ACAD11: variants seen among roughly 807,000 people sequenced by gnomAD.
ACAD11 encodes the protein acyl-CoA dehydrogenase family member 11.
In ACAD11, 83 loss-of-function variants were observed where a neutral mutation model predicts 102.2. That is an observed-to-expected ratio of 0.81 (90% CI 0.68 to 0.97). ACAD11 has a LOEUF of 0.97. Among genes scored for constraint, ACAD11 ranks in the 50% least tolerant of loss-of-function variants. The pLI is 0.00. For missense variants in ACAD11, 901 were observed against 951.7 expected (o/e 0.95, Z 0.70); for synonymous variants, 324 against 319.8 (o/e 1.01, Z -0.14).
At chr3:132,654,367 G>A (rs1937670010) in intron 1 of ACAD11, 1 of 152,088 alleles carries the variant, frequency 6.6e-6, no homozygotes, top group Non-Finnish European at 1.5e-5. Context: ...GTCTCATAAT[G>A]GAGTCACTTA....
chr3:132,641,546 A>AATG (rs201936885), intron 4 of ACAD11, among the ~76,000 whole-genome samples: 3,232 of 131,398 alleles, frequency 0.025, 85 homozygotes, highest in African/African-American at 0.04. Context: ...TCTGTCTCAA[A>AATG]ATGATGATGA....
intron 5 of ACAD11, among the ~76,000 whole-genome samples, chr3:132,635,203 A>T (rs1940229993): frequency 6.6e-6 from 1 of 152,120 alleles, no homozygotes; most frequent in Admixed American, 6.5e-5. Flanking sequence ...AGGATGGATG[A>T]GGTCCAGAGA....
At chr3:132,607,294 G>A (rs1313672441) in intron 11 of ACAD11, among the ~76,000 whole-genome samples, 1 of 152,198 alleles carries the variant, frequency 6.6e-6, no homozygotes, top group East Asian at 1.9e-4. Flanking sequence ...GACAGAAGTA[G>A]GCTTCAGAAG....
At position 132,575,937 on chromosome 3, in the gene ACAD11, A is replaced by AG. The variant is rs1553757916; in HGVS notation, c.1847-12dup. The AG allele has an allele frequency of 1.9e-6, 3 of 1,613,096 alleles. No homozygotes were observed. The highest frequency in any genetic ancestry group is 2.5e-6 in the Non-Finnish European group (3 of 1,179,248). ...ATCCCCTACCTTCACCTGGGAAGAA[A>AG]GGGGAAAAAAAGGGGGAATGTGAAA... is the stretch of plus-strand genomic sequence containing the variant. On this transcript the variant is annotated splice_polypyrimidine_tract_variant and intron_variant, in intron 16 of 19. Coordinates refer to ENST00000264990, the MANE Select transcript of ACAD11 (RefSeq NM_032169.5).
At chr3:132,632,519 C>T (rs1338729996) in intron 5 of ACAD11, among the ~76,000 whole-genome samples, 1 of 152,148 alleles carries the variant, frequency 6.6e-6, no homozygotes, top group Non-Finnish European at 1.5e-5. Flanking sequence ...CATGATGCCT[C>T]CAGCTTTGTT....
chr3:132,645,884 C>T (rs1476496093), intron 1 of ACAD11: 1 of 152,230 alleles, frequency 6.6e-6, no homozygotes, highest in Non-Finnish European at 1.5e-5. Context: ...TAGAGATAAT[C>T]ACCAGTGGTC....
At chr3:132,600,673 C>T (rs1215573514) in intron 13 of ACAD11, 2 of 1,613,620 alleles carry the variant, frequency 1.2e-6, no homozygotes, top group African/African-American at 1.3e-5. Flanking sequence ...TCCTTCTATT[C>T]ACTCTGCCTT....
At chr3:132,562,429 C>T (rs61023005) in intron 17 of ACAD11, among the ~76,000 whole-genome samples, 2,700 of 152,208 alleles carry the variant, frequency 0.018, 46 homozygotes, top group South Asian at 0.084. Context: ...TATTTGTATA[C>T]GGGTTTTTGT....
chr3:132,654,091 C>T (rs545987639), intron 1 of ACAD11, among the ~76,000 whole-genome samples: 2 of 152,310 alleles, frequency 1.3e-5, no homozygotes, highest in East Asian at 1.9e-4. Flanking sequence ...TAGTCACCTA[C>T]ATTTCAGTTC....
intron 13 of ACAD11, among the ~76,000 whole-genome samples, chr3:132,599,328 A>G (rs1938465083): frequency 6.6e-6 from 1 of 152,060 alleles, no homozygotes; most frequent in African/African-American, 2.4e-5. Flanking sequence ...CAACATAGTG[A>G]AACCCCATCT....
chr3:132,639,374 G>C, intron 5 of ACAD11, 118 bp downstream of exon 5: 1 of 982,352 alleles, frequency 1.0e-6, no homozygotes, highest in Non-Finnish European at 1.5e-6. Flanking sequence ...CGACAGTCCT[G>C]AGCTGTAGGG....
At position 132,631,370 on chromosome 3, in the gene ACAD11, A is replaced by T; in HGVS notation, c.812T>A (p.Ile271Lys). The change falls in exon 6 of 20, where the codon ATA becomes AAA. Residue 271 changes from isoleucine to lysine, a missense_variant. Physicochemically the swap from Ile to Lys is moderately radical, Grantham distance 102 (BLOSUM62 -3). Transcript: ENST00000264990. ...GTTTTCACTATAAGAACCTTGATTT[A>T]TCATTGGAACTGTCCTTGGCCAAAA... ...FYFWPRTVPM[I>K]NQGSYSENSG... 6.6e-7 allele frequency: 1 copy of T among 1,515,270 alleles called. No individual in the cohort carries two copies. Among genetic ancestry groups the T allele is most frequent in the Non-Finnish European group, 8.9e-7 (1 of 1,128,164 alleles). The allele number at this position is 1,515,270 out of a possible 1,614,324, so 93.9% of individuals were successfully genotyped here.
At position 132,631,385 on chromosome 3, in the gene ACAD11, C is replaced by A; in HGVS notation, c.797G>T (p.Arg266Met). The A allele has an allele frequency of 1.3e-6, 2 of 1,560,742 alleles. No individual in the cohort carries two copies. The highest frequency in any genetic ancestry group is 1.7e-6 in the Non-Finnish European group (2 of 1,151,070). Reference sequence around the variant, plus strand: ...ACCTTGATTTATCATTGGAACTGTCCTTGGCCAAAAGTAGAACAGGGAAAA... The same window carrying A: ...ACCTTGATTTATCATTGGAACTGTCATTGGCCAAAAGTAGAACAGGGAAAA... ...AHFSLFYFWP[R>M]TVPMINQGSY... The change falls in exon 6 of 20, where the codon AGG becomes ATG. Residue 266 changes from arginine to methionine, a missense_variant. Arg to Met is a moderately conservative substitution (Grantham distance 91). Coordinates refer to ENST00000264990, the MANE Select transcript of ACAD11 (RefSeq NM_032169.5).
chr3:132,631,187 A>C (rs1330837119), intron 6 of ACAD11, among the ~76,000 whole-genome samples, 154 bp downstream of exon 6: 1 of 152,062 alleles, frequency 6.6e-6, no homozygotes, highest in African/African-American at 2.4e-5. Context: ...TATCTTCAAC[A>C]AAAAAATAAA....
intron 14 of ACAD11, chr3:132,579,133 G>A (rs553071013): frequency 8.2e-6 from 10 of 1,225,156 alleles, no homozygotes; most frequent in Non-Finnish European, 1.1e-5. Flanking sequence ...TGGTAACTGG[G>A]AACTTATATA....
chr3:132,596,269 A>G (rs1174766989), intron 13 of ACAD11, among the ~76,000 whole-genome samples: 1 of 152,128 alleles, frequency 6.6e-6, no homozygotes, highest in African/African-American at 2.4e-5. Flanking sequence ...ACTGGGGCCT[A>G]TCAAAGGGTA....
Position 132,559,894 on chromosome 3 carries a change from C to T in ACAD11, c.2167G>A (p.Asp723Asn). The T allele has an allele frequency of 6.2e-7, 1 of 1,613,644 alleles. No individual in the cohort carries two copies. The highest frequency in any genetic ancestry group is 8.5e-7 in the Non-Finnish European group (1 of 1,179,786). ...AAPRAVSKIVDWAIQVCGGAG... is the reference protein window; with the variant it reads ...AAPRAVSKIVNWAIQVCGGAG... Reference sequence around the variant, plus strand: ...CCTCCGCACACCTGGATGGCCCAGTCAACGATTTTGCTGACAGCCCGTGGG... The same window carrying T: ...CCTCCGCACACCTGGATGGCCCAGTTAACGATTTTGCTGACAGCCCGTGGG... Residue 723 changes from aspartate (D) to asparagine (N), a missense_variant, in exon 19 of 20, where the codon GAC (aspartate) becomes AAC (asparagine). Transcript: ENST00000264990.
chr3:132,607,508 T>G (rs1230061687), intron 11 of ACAD11, among the ~76,000 whole-genome samples: 2 of 151,586 alleles, frequency 1.3e-5, no homozygotes, highest in Non-Finnish European at 2.9e-5. Context: ...ATCAATCAAG[T>G]GAAAGAAAGG....
chr3:132,638,979 C>A (rs528779472), intron 5 of ACAD11, among the ~76,000 whole-genome samples: 2 of 152,236 alleles, frequency 1.3e-5, no homozygotes, highest in South Asian at 4.1e-4. Flanking sequence ...TGTTTATACT[C>A]TTTATAAAGA....
Sources: allele counts gnomAD v4.1 joint callset (sites outside exome capture counted in the v4.1 genomes callset), GRCh38; gene constraint gnomAD v4.1.1; transcripts MANE v1.5; gene names NCBI Gene and HGNC (gene_info 2026-07-23, HGNC 2026-07-21).